The following BMPR1A variants were observed in gnomAD, a reference collection of about 807,000 sequenced individuals.
The protein encoded by BMPR1A is bone morphogenetic protein receptor type-1A.
A neutral mutation model predicts 66.0 loss-of-function variants in BMPR1A; 7 were observed. The observed-to-expected ratio is 0.11, with a 90% confidence interval of 0.06 to 0.20. The LOEUF (loss-of-function observed/expected upper bound fraction) is 0.20, where lower values mean the gene tolerates loss of function less well. BMPR1A is among the 10% of genes least tolerant of loss of function. BMPR1A has a pLI of 1.00. For missense variants in BMPR1A, 408 were observed against 669.1 expected (o/e 0.61, Z 4.31); for synonymous variants, 200 against 229.7 (o/e 0.87, Z 1.17).
In BMPR1A at chr10:86,923,873, T is replaced by C; in HGVS notation, c.*154T>C. ...CTGCTAATATTAAACCTTTCAGTAC[T>C]CTTATTAGGATACAAGCTGGGAACT... On this transcript the variant is annotated 3_prime_UTR_variant, in exon 13 of 13. Coordinates refer to ENST00000372037, the MANE Select transcript of BMPR1A (RefSeq NM_004329.3). 1 of 852,880 alleles carries C rather than the reference T, an allele frequency of 1.2e-6. No homozygotes were observed. Among genetic ancestry groups the C allele is most frequent in the South Asian group, 1.6e-5 (1 of 60,926 alleles). The allele number at this position is 852,880 out of a possible 1,614,324, so 52.8% of individuals were successfully genotyped here. A position where few individuals can be genotyped will look rare whatever the true frequency, so the allele number is the denominator to read the frequency against.
Position 86,912,332 on chromosome 10 carries a change from A to G in BMPR1A, c.623A>G (p.Asp208Gly). 1 of 1,614,006 alleles carries G rather than the reference A, an allele frequency of 6.2e-7. No individual in the cohort carries two copies. Among genetic ancestry groups the G allele is most frequent in the African/African-American group, 1.3e-5 (1 of 75,016 alleles). The change falls in exon 8 of 13, where the codon GAC becomes GGC. Residue 208 changes from aspartate (D) to glycine (G), a missense_variant. Physicochemically the swap from Asp to Gly is moderately conservative, Grantham distance 94. This residue lies in a region of BMPR1A where 174 missense variants were observed against 265.1 expected (regional missense o/e 0.66). Transcript: ENST00000372037. The part of the protein sequence containing the change: ...AFIPVGESLK[D>G]LIDQSQSSGS... ...ATTCCAGTTGGAGAATCACTAAAAG[A>G]CCTTATTGACCAGTCACAAAGTTCT...
chr10:86,790,162 CAAAAAAAAAAAAAAAAA>C (rs1170317792), intron 1 of BMPR1A, among the ~76,000 whole-genome samples: 85 of 7,202 alleles, frequency 0.012, 2 homozygotes, highest in South Asian at 0.029. Context: ...ACTCTGTCTC[CAAAAAAAAAAAAAAAAA>C]AAAAAAAAAA....
chr10:86,850,837 C>T (rs1422051640), intron 2 of BMPR1A, among the ~76,000 whole-genome samples: 1 of 152,116 alleles, frequency 6.6e-6, no homozygotes, highest in Non-Finnish European at 1.5e-5. Context: ...TTTTTAAAGA[C>T]AGCCCTTATA....
intron 1 of BMPR1A, among the ~76,000 whole-genome samples, chr10:86,795,170 C>CT (rs1406876286): frequency 6.6e-6 from 1 of 151,304 alleles, no homozygotes; most frequent in African/African-American, 2.4e-5. Context: ...AATTTTTAAT[C>CT]TTTATTTTTT....
At chr10:86,794,840 A>G (rs1004472167) in intron 1 of BMPR1A, among the ~76,000 whole-genome samples, 5 of 150,734 alleles carry the variant, frequency 3.3e-5, no homozygotes, top group South Asian at 2.1e-4. Flanking sequence ...ATATAGATAT[A>G]TAGATATAGA....
At chr10:86,841,468 G>A (rs1294515708) in intron 2 of BMPR1A, among the ~76,000 whole-genome samples, 3 of 152,192 alleles carry the variant, frequency 2.0e-5, no homozygotes, top group Non-Finnish European at 4.4e-5. Flanking sequence ...CTACACCAAT[G>A]TTATGAGAGG....
intron 1 of BMPR1A, among the ~76,000 whole-genome samples, chr10:86,825,462 A>C (rs990772061): frequency 7.2e-6 from 1 of 138,128 alleles, no homozygotes; most frequent in Non-Finnish European, 1.5e-5. Context: ...TTTTCATTTA[A>C]CTTTTTTTGT....
At chr10:86,806,902 C>G (rs554444936) in intron 1 of BMPR1A, among the ~76,000 whole-genome samples, 42 of 152,160 alleles carry the variant, frequency 2.8e-4, no homozygotes, top group African/African-American at 9.6e-4. Flanking sequence ...TAGCGGGAGT[C>G]TCTTCATTCC....
chr10:86,788,482 G>A lies in BMPR1A; in HGVS notation c.-268+31563G>A, dbSNP rs530284581. On this transcript the variant is annotated intron_variant, in intron 1 of 12. Coordinates refer to ENST00000372037, the MANE Select transcript of BMPR1A (RefSeq NM_004329.3). Reference sequence around the variant, plus strand: ...CAGACATTGGTCTTAGGGCTGGAGTGGAAACAGACTCCTAGAGGTGCACAA... The same window carrying A: ...CAGACATTGGTCTTAGGGCTGGAGTAGAAACAGACTCCTAGAGGTGCACAA... Among the ~76,000 whole-genome samples the A allele has an allele frequency of 2.1e-4, 32 of 152,298 alleles. No individual in the cohort carries two copies. In the South Asian group the frequency reaches 3.9e-3, roughly 19 times the overall value.
Position 86,808,663 on chromosome 10 carries a change from G to A in BMPR1A, c.-267-30202G>A, listed in dbSNP as rs1289059389. Among the ~76,000 whole-genome samples, 5 of 152,322 alleles carry A rather than the reference G, an allele frequency of 3.3e-5. No individual in the cohort carries two copies. In the East Asian group the frequency reaches 9.6e-4, roughly 29 times the overall value. On this transcript the variant is annotated intron_variant, in intron 1 of 12. Coordinates refer to ENST00000372037, the MANE Select transcript of BMPR1A (RefSeq NM_004329.3). The stretch of plus-strand genomic sequence containing the variant: ...TATTACTTAAGTTATGAGATTGCTT[G>A]AAATTCAGTTACAATGTGGGTGAAA...
intron 7 of BMPR1A, among the ~76,000 whole-genome samples, chr10:86,905,881 G>A (rs1046740560): frequency 1.3e-5 from 2 of 150,712 alleles, no homozygotes; most frequent in Non-Finnish European, 2.9e-5. Flanking sequence ...ACCTAAAAAA[G>A]AAGCTGCCAA....
At chr10:86,794,519 A>C (rs899540235) in intron 1 of BMPR1A, among the ~76,000 whole-genome samples, 3 of 152,206 alleles carry the variant, frequency 2.0e-5, no homozygotes, top group African/African-American at 7.2e-5. Context: ...GGTTGTTGTG[A>C]AGATCAAATT....
rs114038670 is a variant in BMPR1A at position 86,833,813 on chromosome 10, T to C, written c.-267-5052T>C. On this transcript the variant is annotated intron_variant, in intron 1 of 12. Coordinates refer to ENST00000372037, the MANE Select transcript of BMPR1A (RefSeq NM_004329.3). The stretch of plus-strand genomic sequence containing the variant: ...AGTAAATGATGTATCTGTTCCTAAG[T>C]CACCCTATCTGCTGAGTTACTTGTG... Among the ~76,000 whole-genome samples, 357 of 152,088 alleles carry C rather than the reference T, an allele frequency of 2.3e-3. 2 individuals are homozygous for C. The highest frequency in any genetic ancestry group is 8.3e-3 in the African/African-American group (345 of 41,498).
chr10:86,784,364 A>T (rs1003667900), intron 1 of BMPR1A, among the ~76,000 whole-genome samples: 2 of 151,852 alleles, frequency 1.3e-5, no homozygotes, highest in African/African-American at 4.8e-5. Flanking sequence ...TTGTTACATG[A>T]TTTTTGTCCT....
chr10:86,922,791 A>G (rs962998639), intron 11 of BMPR1A, among the ~76,000 whole-genome samples: 1 of 152,262 alleles, frequency 6.6e-6, no homozygotes, highest in African/African-American at 2.4e-5. Flanking sequence ...CCAGCAGGAA[A>G]GCAGACGTGC....
At chr10:86,865,136 T>A (rs1446416626) in intron 2 of BMPR1A, among the ~76,000 whole-genome samples, 1 of 146,726 alleles carries the variant, frequency 6.8e-6, no homozygotes, top group Non-Finnish European at 1.5e-5. Context: ...AACTGAAGAA[T>A]CACAAAAGAA....
At chr10:86,897,524 AG>A (rs1243755368) in intron 5 of BMPR1A, among the ~76,000 whole-genome samples, 1 of 152,156 alleles carries the variant, frequency 6.6e-6, no homozygotes, top group African/African-American at 2.4e-5. Context: ...GAGGAAGGGA[AG>A]TTAATTTATT....
chr10:86,918,713 G>A (rs1190827332), intron 9 of BMPR1A, among the ~76,000 whole-genome samples: 7 of 149,662 alleles, frequency 4.7e-5, no homozygotes, highest in South Asian at 2.1e-4. Flanking sequence ...AACCTCTGCC[G>A]CCAGGTTCAA....
intron 2 of BMPR1A, among the ~76,000 whole-genome samples, chr10:86,875,092 G>A (rs1017119971): frequency 6.6e-5 from 10 of 151,196 alleles, no homozygotes; most frequent in African/African-American, 2.2e-4. Flanking sequence ...TGTAATTTTC[G>A]CCTGGCATGG....
Sources: gnomAD v4.1 joint callset for allele counts (sites outside exome capture counted in the v4.1 genomes callset) on GRCh38, gnomAD v4.1.1 for gene constraint, gnomAD v4.1.1 regional missense constraint, MANE v1.5 for transcripts, NCBI Gene and HGNC (gene_info 2026-07-23, HGNC 2026-07-21) for gene names.